The following MROH9 variants were observed in gnomAD, a reference collection of about 807,000 sequenced individuals.
The protein encoded by MROH9 is maestro heat like repeat family member 9.
MROH9 carries 92 observed loss-of-function variants against 98.2 expected under a neutral mutation model. The ratio of observed to expected loss-of-function variants is 0.94; its 90% CI spans 0.79 to 1.11. The LOEUF is 1.11. Ranked by LOEUF, MROH9 falls within the 50% of genes most tolerant of loss-of-function variation. The probability of loss-of-function intolerance (pLI) is 0.00; values close to 1 mark genes in which losing one functional copy is unlikely to be tolerated. For synonymous variants in MROH9, 397 were observed against 368.9 expected (o/e 1.08, Z -0.87); for missense variants, 1,057 against 1,014.8 (o/e 1.04, Z -0.57).
intron 17 of MROH9, among the ~76,000 whole-genome samples, chr1:171,019,420 G>A (rs1652435275): frequency 6.6e-6 from 1 of 152,158 alleles, no homozygotes; most frequent in South Asian, 2.1e-4. Context: ...TTGGAAGGCT[G>A]AGGTGGGTGG....
chr1:171,035,215 TATTA>T (rs1241954098), intron 20 of MROH9, among the ~76,000 whole-genome samples: 3 of 151,894 alleles, frequency 2.0e-5, no homozygotes, highest in Non-Finnish European at 2.9e-5. Context: ...AATTTTGATA[TATTA>T]ATTATAATAA....
At chr1:170,957,559 T>G (rs1649813162) in intron 3 of MROH9, among the ~76,000 whole-genome samples, 1 of 152,212 alleles carries the variant, frequency 6.6e-6, no homozygotes, top group Admixed American at 6.5e-5. Flanking sequence ...TCCCTACAAT[T>G]TTAATTACTT....
At chr1:170,972,554 T>C (rs1177322936) in intron 8 of MROH9, among the ~76,000 whole-genome samples, 7 of 152,140 alleles carry the variant, frequency 4.6e-5, no homozygotes, top group African/African-American at 1.7e-4. Context: ...CTCACGCCTA[T>C]AATCCCAGCA....
At chr1:170,952,314 G>A (rs1225549735) in intron 3 of MROH9, among the ~76,000 whole-genome samples, 2 of 152,010 alleles carry the variant, frequency 1.3e-5, no homozygotes, top group African/African-American at 2.4e-5. Context: ...TGTTTATTGT[G>A]GCACTATTCA....
chr1:171,004,377 A>G (rs1651881609), intron 15 of MROH9, among the ~76,000 whole-genome samples: 1 of 152,036 alleles, frequency 6.6e-6, no homozygotes, highest in Non-Finnish European at 1.5e-5. Context: ...CTGTGGTGCC[A>G]AGCAGGAATG....
At position 171,020,437 on chromosome 1, in the gene MROH9, C is replaced by T. The variant is rs527413912; in HGVS notation, c.1909-3958C>T. The stretch of plus-strand genomic sequence containing the variant: ...ACCATGATCAGGTCAGCTTCATCCC[C>T]GGGACGCAAGCCTGGTTCAACATAT... On this transcript the variant is annotated intron_variant, in intron 17 of 21. Transcript: ENST00000367759. Among the ~76,000 whole-genome samples the T allele has an allele frequency of 3.9e-5, 6 of 152,226 alleles. No individual in the cohort carries two copies. In the South Asian group the frequency reaches 6.2e-4, roughly 16 times the overall value.
At chr1:171,028,410 TG>T (rs1229995251) in intron 20 of MROH9, among the ~76,000 whole-genome samples, 1 of 152,224 alleles carries the variant, frequency 6.6e-6, no homozygotes, top group Non-Finnish European at 1.5e-5. Flanking sequence ...ACCAGTACCA[TG>T]TTGTTTTGAT....
chr1:171,027,377 C>A (rs1344488261), intron 20 of MROH9, among the ~76,000 whole-genome samples: 15 of 152,312 alleles, frequency 9.8e-5, no homozygotes, highest in African/African-American at 3.6e-4. Context: ...CTGCAAAGAA[C>A]ATGATCTCAT....
chr1:170,948,906 A>G (rs973602957), intron 3 of MROH9, among the ~76,000 whole-genome samples: 2 of 152,104 alleles, frequency 1.3e-5, no homozygotes, highest in Admixed American at 1.3e-4. Flanking sequence ...GATTTTAGCT[A>G]TGGTTCCCCA....
rs145628314 is a variant in MROH9 at position 170,968,511 on chromosome 1, C to A, written c.481-3237C>A. On this transcript the variant is annotated intron_variant, in intron 7 of 21. Transcript: ENST00000367759. Reference sequence around the variant, plus strand: ...TACATCCTTAAATTTTAAGCAGCAACCACACTTTGTGAAATTTGGGGAAAC... The same window carrying A: ...TACATCCTTAAATTTTAAGCAGCAAACACACTTTGTGAAATTTGGGGAAAC... Among the ~76,000 whole-genome samples the A allele has an allele frequency of 3.3e-5, 5 of 152,204 alleles. No homozygotes were observed. In the East Asian group the frequency reaches 5.8e-4, roughly 18 times the overall value.
intron 20 of MROH9, among the ~76,000 whole-genome samples, chr1:171,041,408 T>TAC (rs137951871): frequency 0.17 from 17,308 of 102,842 alleles, 1,840 homozygotes; most frequent in East Asian, 0.38. Context: ...TCAAGATACA[T>TAC]ACACACACAC....
chr1:170,938,759 A>G (rs6670876), intron 1 of MROH9, among the ~76,000 whole-genome samples: 43,308 of 152,162 alleles, frequency 0.28, 6,777 homozygotes, highest in African/African-American at 0.42. Context: ...AGTAAGGACA[A>G]AATGCTTCCT....
intron 17 of MROH9, among the ~76,000 whole-genome samples, chr1:171,018,330 C>G (rs746479001): frequency 2.1e-4 from 32 of 149,938 alleles, no homozygotes; most frequent in Admixed American, 6.7e-4. Context: ...GCAAGAGAAA[C>G]AAAGAAACAG....
At chr1:171,037,782 A>C (rs937854135) in intron 20 of MROH9, among the ~76,000 whole-genome samples, 3 of 151,876 alleles carry the variant, frequency 2.0e-5, no homozygotes, top group Non-Finnish European at 4.4e-5. Context: ...TAACCCCCTA[A>C]ACATGCAATA....
intron 20 of MROH9, among the ~76,000 whole-genome samples, chr1:171,047,911 T>TA (rs1349641821): frequency 6.6e-6 from 1 of 152,238 alleles, no homozygotes; most frequent in Non-Finnish European, 1.5e-5. Context: ...CTCATAGAGA[T>TA]ACTGCCTTGA....
chr1:171,044,873 A>T (rs1412069723), intron 20 of MROH9, among the ~76,000 whole-genome samples: 2 of 143,258 alleles, frequency 1.4e-5, no homozygotes, highest in Non-Finnish European at 3.0e-5. Context: ...GGCTAAAGGT[A>T]TGTCACTTTT....
At chr1:171,053,608 G>A (rs574054025) in intron 20 of MROH9, among the ~76,000 whole-genome samples, 16 of 152,184 alleles carry the variant, frequency 1.1e-4, no homozygotes, top group Admixed American at 9.8e-4. Context: ...TTAATTACAA[G>A]AGAAAACAAA....
intron 1 of MROH9, among the ~76,000 whole-genome samples, chr1:170,940,384 A>G (rs1649076893): frequency 6.6e-6 from 1 of 152,186 alleles, no homozygotes. Flanking sequence ...AATATAATGA[A>G]CCAGTGTAAT....
intron 7 of MROH9, among the ~76,000 whole-genome samples, chr1:170,966,341 A>T (rs1052923205): frequency 6.6e-6 from 1 of 152,044 alleles, no homozygotes; most frequent in African/African-American, 2.4e-5. Flanking sequence ...CAAAAACCTT[A>T]TACTACCTAT....
Sources: allele counts gnomAD v4.1 joint callset (sites outside exome capture counted in the v4.1 genomes callset), GRCh38; gene constraint gnomAD v4.1.1; transcripts MANE v1.5; gene names NCBI Gene and HGNC (gene_info 2026-07-23, HGNC 2026-07-21).